The following DDX10 variants were observed in gnomAD, a reference collection of about 807,000 sequenced individuals.
DDX10 encodes DEAD-box helicase 10.
In DDX10, 74 loss-of-function variants were observed where a neutral mutation model predicts 104.3. That is an observed-to-expected ratio of 0.71 (90% CI 0.59 to 0.86). The LOEUF is 0.86. Ranked by LOEUF, DDX10 falls within the 40% of genes least tolerant of loss-of-function variation. The pLI is 0.00. For synonymous variants in DDX10, 351 were observed against 353.4 expected, an observed-to-expected ratio of 0.99 and a Z score of 0.08; for missense variants, 952 against 1,040.0, an observed-to-expected ratio of 0.92 and a Z score of 1.16.
intron 13 of DDX10, among the ~76,000 whole-genome samples, chr11:108,792,729 T>G (rs1258676812): frequency 6.6e-6 from 1 of 152,204 alleles, no homozygotes; most frequent in African/African-American, 2.4e-5. Flanking sequence ...CTGGCTATTC[T>G]AGGTTCTTTT....
intron 15 of DDX10, among the ~76,000 whole-genome samples, chr11:108,843,695 G>A (rs957127061): frequency 6.6e-5 from 10 of 151,550 alleles, no homozygotes; most frequent in African/African-American, 2.2e-4. Flanking sequence ...GGTGGAGGTT[G>A]CAGTGAGCCG....
chr11:108,812,988 A>AAAAAAAAAAAAAAAAAAAC (rs1862204858), intron 13 of DDX10, among the ~76,000 whole-genome samples: 2 of 150,780 alleles, frequency 1.3e-5, no homozygotes, highest in South Asian at 2.1e-4. Flanking sequence ...TTAAAAAAAA[A>AAAAAAAAAAAAAAAAAAAC]AAAAAGAACA....
chr11:108,803,603 GA>G (rs1278660507), intron 13 of DDX10, among the ~76,000 whole-genome samples: 32 of 133,962 alleles, frequency 2.4e-4, no homozygotes, highest in Middle Eastern at 7.9e-3. Context: ...AAAAAAAAAA[GA>G]AAAAAATCTT....
intron 17 of DDX10, among the ~76,000 whole-genome samples, chr11:108,938,810 A>G (rs993893487): frequency 4.6e-5 from 7 of 152,124 alleles, no homozygotes; most frequent in Non-Finnish European, 1.0e-4. Flanking sequence ...AATTATTTCC[A>G]GTTTTGCATC....
rs556086329 is a variant in DDX10, at chr11:108,811,377, A to G, written c.1966-27069A>G. ...ATGAAATAGGTGAAACTTGAACTAG[A>G]CTTCTAAAAGGATCATGGGGCACAG... On this transcript the variant is annotated intron_variant, in intron 13 of 17. Transcript: ENST00000322536. Among the ~76,000 whole-genome samples, 24 of 152,272 alleles carry G rather than the reference A, an allele frequency of 1.6e-4. No individual in the cohort carries two copies. The East Asian group carries it at 4.6e-3, about 29-fold the overall frequency.
intron 12 of DDX10, among the ~76,000 whole-genome samples, chr11:108,721,140 C>T (rs577830262): frequency 1.3e-5 from 2 of 152,096 alleles, no homozygotes; most frequent in Non-Finnish European, 2.9e-5. Context: ...CTGAGTCTAA[C>T]TACAACATAT....
intron 16 of DDX10, among the ~76,000 whole-genome samples, chr11:108,869,815 G>C (rs1332995851): frequency 6.6e-6 from 1 of 152,068 alleles, no homozygotes; most frequent in Non-Finnish European, 1.5e-5. Flanking sequence ...GTAAAATGTG[G>C]ATATGAATTA....
chr11:108,791,864 T>G (rs1180265971), intron 13 of DDX10, among the ~76,000 whole-genome samples: 2 of 152,218 alleles, frequency 1.3e-5, no homozygotes, highest in African/African-American at 4.8e-5. Flanking sequence ...ACTACCAAAC[T>G]GTTTTTCAAA....
Position 108,732,278 on chromosome 11 carries a change from G to A in DDX10, c.1965+8816G>A, listed in dbSNP as rs117899344. Among the ~76,000 whole-genome samples the A allele has an allele frequency of 8.0e-3, 1,215 of 152,260 alleles. 6 individuals are homozygous for A. The highest frequency in any genetic ancestry group is 0.013 in the Non-Finnish European group (880 of 68,018). ...TTAAAATTTCGGAGGAGGAAAGGAA[G>A]GCTTTTAAGTGACTTGTCCAAGGTC... On this transcript the variant is annotated intron_variant, in intron 13 of 17. Coordinates refer to ENST00000322536, the MANE Select transcript of DDX10 (RefSeq NM_004398.4).
At chr11:108,768,394 TAGTTG>T (rs2094358882) in intron 13 of DDX10, among the ~76,000 whole-genome samples, 1 of 152,232 alleles carries the variant, frequency 6.6e-6, no homozygotes, top group East Asian at 1.9e-4. Flanking sequence ...TCTTGTTTAT[TAGTTG>T]AGTTAACACT....
At chr11:108,765,828 G>T (rs1181259702) in intron 13 of DDX10, among the ~76,000 whole-genome samples, 1 of 152,196 alleles carries the variant, frequency 6.6e-6, no homozygotes, top group Non-Finnish European at 1.5e-5. Context: ...AAGTGAGAAG[G>T]TATTAAATGG....
chr11:108,694,731 A>G (rs1334249837), intron 9 of DDX10, among the ~76,000 whole-genome samples: 1 of 152,148 alleles, frequency 6.6e-6, no homozygotes. Context: ...ATACAAAAAA[A>G]TCAGCCAGGA....
intron 15 of DDX10, among the ~76,000 whole-genome samples, chr11:108,843,391 C>CTT (rs71050891): frequency 0.74 from 101,536 of 137,762 alleles, 41,538 homozygotes; most frequent in East Asian, 0.92. Context: ...CTTGCACATC[C>CTT]TTTTTTTTTT....
intron 14 of DDX10, among the ~76,000 whole-genome samples, chr11:108,839,784 G>A (rs1435745407): frequency 6.6e-6 from 1 of 152,104 alleles, no homozygotes; most frequent in Non-Finnish European, 1.5e-5. Flanking sequence ...ATGAAGTTAC[G>A]AAAAAGAGGT....
At position 108,940,441 on chromosome 11, in the gene DDX10, C is replaced by T. The variant is rs1481950242; in HGVS notation, c.*18C>T. The T allele has an allele frequency of 2.5e-6, 4 of 1,608,454 alleles. No homozygotes were observed. The African/African-American group carries it at 5.4e-5, about 22-fold the overall frequency. Reference sequence around the variant, plus strand: ...AAAGCTAAATACTTCCTGCGCCTGCCTTCTCCTTGAAACCTTGGTTATGAC... The same window carrying T: ...AAAGCTAAATACTTCCTGCGCCTGCTTTCTCCTTGAAACCTTGGTTATGAC... On this transcript the variant is annotated 3_prime_UTR_variant, in exon 18 of 18. Coordinates refer to ENST00000322536, the MANE Select transcript of DDX10 (RefSeq NM_004398.4).
chr11:108,689,713 T>C (rs528113783), intron 7 of DDX10, among the ~76,000 whole-genome samples: 1 of 152,344 alleles, frequency 6.6e-6, no homozygotes, highest in South Asian at 2.1e-4. Context: ...ACTACGGTCT[T>C]TGTGCATGTG....
At chr11:108,826,815 G>C (rs185757337) in intron 13 of DDX10, among the ~76,000 whole-genome samples, 232 of 152,230 alleles carry the variant, frequency 1.5e-3, no homozygotes, top group Non-Finnish European at 2.6e-3. Flanking sequence ...TAATTCATTG[G>C]CTTTCAGCTG....
intron 13 of DDX10, among the ~76,000 whole-genome samples, chr11:108,827,552 TA>T (rs761195851): frequency 2.6e-5 from 4 of 152,228 alleles, no homozygotes; most frequent in South Asian, 2.1e-4. Flanking sequence ...TAAATATGGA[TA>T]TTTTTTAGAA....
intron 12 of DDX10, 121 bp from the exon 13 acceptor site, chr11:108,722,876 C>G (rs2094300016): frequency 2.8e-6 from 4 of 1,409,466 alleles, no homozygotes; most frequent in Non-Finnish European, 3.7e-6. Flanking sequence ...AGTTGTATCT[C>G]ACAGGAACAT....
Sources: allele counts gnomAD v4.1 joint callset (sites outside exome capture counted in the v4.1 genomes callset), GRCh38; gene constraint gnomAD v4.1.1; transcripts MANE v1.5; gene names NCBI Gene and HGNC (gene_info 2026-07-23, HGNC 2026-07-21).